TAFA2: variants seen among roughly 807,000 people sequenced by gnomAD.
TAFA2 encodes the protein TAFA chemokine like family member 2.
Under a neutral mutation model 18.8 loss-of-function variants are expected in TAFA2, and 7 were observed. That is an observed-to-expected ratio of 0.37 (90% CI 0.21 to 0.70). The LOEUF (loss-of-function observed/expected upper bound fraction) is 0.70, where lower values mean the gene tolerates loss of function less well. Ranked by LOEUF, TAFA2 falls within the 30% of genes least tolerant of loss-of-function variation. The pLI is 0.53. For synonymous variants in TAFA2, 60 were observed against 54.2 expected, an observed-to-expected ratio of 1.11 and a Z score of -0.47; for missense variants, 122 against 158.1, an observed-to-expected ratio of 0.77 and a Z score of 1.23.
At chr12:61,999,342 T>C (rs913836147) in intron 1 of TAFA2, among the ~76,000 whole-genome samples, 1 of 152,166 alleles carries the variant, frequency 6.6e-6, no homozygotes, top group African/African-American at 2.4e-5. Context: ...CTTAACCTCA[T>C]ACAAATCCAA....
intron 2 of TAFA2, among the ~76,000 whole-genome samples, chr12:61,829,331 G>A (rs997999129): frequency 6.6e-6 from 1 of 151,496 alleles, no homozygotes; most frequent in Non-Finnish European, 1.5e-5. Flanking sequence ...TATTGAACTC[G>A]TATATGATTA....
intron 1 of TAFA2, chr12:62,207,042 A>G (rs2062694512): frequency 1.3e-5 from 2 of 152,188 alleles, no homozygotes; most frequent in African/African-American, 2.4e-5. Context: ...TCAGGACAAG[A>G]GTTATCTTCT....
chr12:61,867,865 C>T (rs1355529898), intron 1 of TAFA2, among the ~76,000 whole-genome samples: 2 of 152,044 alleles, frequency 1.3e-5, no homozygotes, highest in Non-Finnish European at 2.9e-5. Flanking sequence ...TAGATGAATT[C>T]CTGCACAGAA....
At chr12:61,849,013 T>C (rs1229093194) in intron 2 of TAFA2, among the ~76,000 whole-genome samples, 2 of 152,120 alleles carry the variant, frequency 1.3e-5, no homozygotes, top group East Asian at 3.9e-4. Context: ...GGCTAATTTT[T>C]TGTATTTGTT....
rs566819525 is a variant in TAFA2 at position 61,753,759 on chromosome 12, A to G, written c.260-13T>C. 1 of 1,591,340 alleles carries G rather than the reference A, an allele frequency of 6.3e-7. No individual in the cohort carries two copies. The highest frequency in any genetic ancestry group is 1.1e-5 in the South Asian group (1 of 87,482). Reference sequence around the variant, plus strand: ...TCCACTATTGAAGCTATAAGAGAGAAAAAAAATTGACTCAACATTTTTTTC... The same window carrying G: ...TCCACTATTGAAGCTATAAGAGAGAGAAAAAATTGACTCAACATTTTTTTC... On this transcript the variant is annotated splice_polypyrimidine_tract_variant and intron_variant, in intron 3 of 4. Coordinates refer to ENST00000416284, the MANE Select transcript of TAFA2 (RefSeq NM_178539.5).
intron 1 of TAFA2, among the ~76,000 whole-genome samples, chr12:62,062,234 A>G (rs930177502): frequency 2.6e-5 from 4 of 152,200 alleles, no homozygotes; most frequent in Non-Finnish European, 5.9e-5. Flanking sequence ...TTACAGTTGA[A>G]TGTTACCCCT....
At chr12:61,738,290 AACACACACACAC>A (rs369001355) in intron 4 of TAFA2, among the ~76,000 whole-genome samples, 29 of 124,622 alleles carry the variant, frequency 2.3e-4, no homozygotes, top group Middle Eastern at 4.3e-3. Context: ...TGAAAATGAA[AACACACACACAC>A]ACACACACAC....
chr12:62,229,341 T>A (rs966702819), intron 1 of TAFA2, among the ~76,000 whole-genome samples: 1 of 152,194 alleles, frequency 6.6e-6, no homozygotes, highest in African/African-American at 2.4e-5. Context: ...ACTATAATGC[T>A]AGCTGTTGGT....
At chr12:62,218,687 A>C (rs1177290768) in intron 1 of TAFA2, among the ~76,000 whole-genome samples, 1 of 152,220 alleles carries the variant, frequency 6.6e-6, no homozygotes, top group African/African-American at 2.4e-5. Context: ...TGAATGAAAT[A>C]GATGTTTCAG....
At chr12:62,211,511 C>T (rs957970935) in intron 1 of TAFA2, among the ~76,000 whole-genome samples, 12 of 149,300 alleles carry the variant, frequency 8.0e-5, no homozygotes, top group South Asian at 6.4e-4. Flanking sequence ...ACCTGGGAGG[C>T]GGAGGTTGCA....
At chr12:62,077,222 A>G (rs547350788) in intron 1 of TAFA2, among the ~76,000 whole-genome samples, 2 of 152,182 alleles carry the variant, frequency 1.3e-5, no homozygotes, top group African/African-American at 4.8e-5. Flanking sequence ...CTTTCAATTA[A>G]TTTGACACTA....
In TAFA2 at chr12:61,897,507, G is replaced by A. The variant is rs2121309000; in HGVS notation, c.-1-30081C>T. 2.0e-5 allele frequency among the ~76,000 whole-genome samples: 3 copies of A among 152,280 alleles called. No homozygotes were observed. In the South Asian group the frequency reaches 6.2e-4, roughly 32 times the overall value. ...AGGAAACTTACTATCATAGCAGAAG[G>A]GGAAGCAGGCATGTCTTACATGGCA... On this transcript the variant is annotated intron_variant, in intron 1 of 4. Coordinates refer to ENST00000416284, the MANE Select transcript of TAFA2 (RefSeq NM_178539.5).
chr12:62,119,937 G>T (rs554974002), intron 1 of TAFA2, among the ~76,000 whole-genome samples: 16 of 152,008 alleles, frequency 1.1e-4, no homozygotes, highest in Non-Finnish European at 2.1e-4. Context: ...GCTGGGTGTG[G>T]TGGTGCAAGC....
intron 1 of TAFA2, among the ~76,000 whole-genome samples, chr12:62,250,677 T>C (rs983055022): frequency 6.6e-6 from 1 of 152,216 alleles, no homozygotes; most frequent in African/African-American, 2.4e-5. Flanking sequence ...GGCCATTCTC[T>C]ATGTATCTTA....
At chr12:61,826,260 A>G (rs369901184) in intron 2 of TAFA2, among the ~76,000 whole-genome samples, 1 of 151,842 alleles carries the variant, frequency 6.6e-6, no homozygotes, top group African/African-American at 2.4e-5. Context: ...TGACAGTACT[A>G]CCCTTTAAAA....
chr12:62,008,751 A>AC (rs1880637996), intron 1 of TAFA2, among the ~76,000 whole-genome samples: 1 of 152,214 alleles, frequency 6.6e-6, no homozygotes, highest in Non-Finnish European at 1.5e-5. Context: ...TCAGGATTAC[A>AC]CACAAGAAAG....
intron 4 of TAFA2, among the ~76,000 whole-genome samples, chr12:61,738,330 A>ACACACACAC (rs1565756844): frequency 5.4e-5 from 2 of 37,372 alleles, no homozygotes; most frequent in African/African-American, 1.2e-4. Context: ...CACACACACA[A>ACACACACAC]ACCTAGCTCA....
intron 2 of TAFA2, among the ~76,000 whole-genome samples, chr12:61,805,620 G>T (rs1871579055): frequency 6.6e-6 from 1 of 151,876 alleles, no homozygotes; most frequent in Non-Finnish European, 1.5e-5. Context: ...CTTTGTGCAG[G>T]GTATGTTCCT....
At chr12:61,828,201 T>C (rs753471992) in intron 2 of TAFA2, among the ~76,000 whole-genome samples, 3 of 151,820 alleles carry the variant, frequency 2.0e-5, no homozygotes, top group Non-Finnish European at 4.4e-5. Flanking sequence ...ATTCTACATG[T>C]GAGAGAGGAA....
Sources: gnomAD v4.1 joint callset for allele counts (sites outside exome capture counted in the v4.1 genomes callset) on GRCh38, gnomAD v4.1.1 for gene constraint, MANE v1.5 for transcripts, NCBI Gene and HGNC (gene_info 2026-07-23, HGNC 2026-07-21) for gene names.